CNTLN: variants seen among roughly 807,000 people sequenced by gnomAD.
The protein encoded by CNTLN is centlein.
CNTLN carries 212 observed loss-of-function variants against 180.0 expected under a neutral mutation model. That is an observed-to-expected ratio of 1.18 (90% confidence interval 1.05 to 1.32). The LOEUF (loss-of-function observed/expected upper bound fraction) is 1.32, where lower values mean the gene tolerates loss of function less well. Ranked by LOEUF, CNTLN falls within the 40% of genes most tolerant of loss-of-function variation. The pLI is 0.00. For synonymous variants in CNTLN, 722 were observed against 563.1 expected (o/e 1.28, Z -3.99); for missense variants, 2,095 against 1,610.9 (o/e 1.30, Z -5.14).
At chr9:17,148,671 A>G (rs1241662843) in intron 2 of CNTLN, among the ~76,000 whole-genome samples, 2 of 152,178 alleles carry the variant, frequency 1.3e-5, no homozygotes, top group Non-Finnish European at 2.9e-5. Context: ...AAACCGTGAA[A>G]AGGAAACTTG....
At chr9:17,339,847 G>A (rs1287769552) in intron 10 of CNTLN, among the ~76,000 whole-genome samples, 1 of 152,036 alleles carries the variant, frequency 6.6e-6, no homozygotes, top group African/African-American at 2.4e-5. Flanking sequence ...GATCTCATGT[G>A]CTATATATTG....
chr9:17,152,376 T>C (rs888620628), intron 2 of CNTLN, among the ~76,000 whole-genome samples: 8 of 152,194 alleles, frequency 5.3e-5, no homozygotes, highest in Non-Finnish European at 1.2e-4. Context: ...TTCTCATTGG[T>C]GTCAAAGAAT....
At chr9:17,207,419 G>C (rs2131932980) in intron 2 of CNTLN, among the ~76,000 whole-genome samples, 1 of 152,246 alleles carries the variant, frequency 6.6e-6, no homozygotes, top group South Asian at 2.1e-4. Context: ...AACTCCTGCA[G>C]CTAGCTCGGT....
intron 5 of CNTLN, among the ~76,000 whole-genome samples, chr9:17,242,352 C>T (rs556501038): frequency 2.0e-5 from 3 of 152,048 alleles, no homozygotes; most frequent in Admixed American, 6.5e-5. Context: ...CTGTGTCACC[C>T]AGGCGGGAGT....
intron 5 of CNTLN, among the ~76,000 whole-genome samples, chr9:17,260,308 A>T (rs11560480): frequency 0.23 from 34,615 of 149,740 alleles, 5,126 homozygotes; most frequent in African/African-American, 0.36. Flanking sequence ...CTTAATCCTG[A>T]GTTCTAGTTT....
intron 2 of CNTLN, among the ~76,000 whole-genome samples, chr9:17,214,190 T>TACCG (rs1823555937): frequency 6.6e-6 from 1 of 152,234 alleles, no homozygotes. Flanking sequence ...CAGTGACTGG[T>TACCG]ACCGGTTGTT....
At chr9:17,510,329 C>A in the CNTLN span, among the ~76,000 whole-genome samples, 2 of 152,158 alleles carry the variant, frequency 1.3e-5, no homozygotes, top group African/African-American at 4.8e-5. Flanking sequence ...ATGAGAAATA[C>A]ATTTATCTGA....
intron 5 of CNTLN, among the ~76,000 whole-genome samples, chr9:17,263,138 C>T (rs1375293055): frequency 6.7e-6 from 1 of 149,696 alleles, no homozygotes; most frequent in Non-Finnish European, 1.5e-5. Flanking sequence ...GTGTGCTGCA[C>T]CCATTAAGTC....
chr9:17,461,194 T>C (rs1831426519), intron 19 of CNTLN, among the ~76,000 whole-genome samples: 1 of 151,618 alleles, frequency 6.6e-6, no homozygotes, highest in South Asian at 2.1e-4. Flanking sequence ...GATATCACTA[T>C]ATTAACATAT....
chr9:17,320,946 G>A (rs1819867413), intron 8 of CNTLN, among the ~76,000 whole-genome samples: 1 of 152,130 alleles, frequency 6.6e-6, no homozygotes, highest in African/African-American at 2.4e-5. Context: ...ATTATACCAA[G>A]TTATCTTCTC....
chr9:17,492,200 G>A (rs1833202755), intron 25 of CNTLN, among the ~76,000 whole-genome samples: 1 of 151,868 alleles, frequency 6.6e-6, no homozygotes, highest in African/African-American at 2.4e-5. Flanking sequence ...CAGTTAAAAG[G>A]ATCCTTTTAA....
intron 2 of CNTLN, among the ~76,000 whole-genome samples, chr9:17,181,188 T>A (rs914330769): frequency 2.6e-5 from 4 of 152,214 alleles, no homozygotes; most frequent in African/African-American, 7.2e-5. Context: ...AAATATTAGA[T>A]CTTTGACAGG....
chr9:17,164,312 A>C (rs1354912075), intron 2 of CNTLN, among the ~76,000 whole-genome samples: 62 of 91,324 alleles, frequency 6.8e-4, no homozygotes, highest in African/African-American at 2.9e-3. Flanking sequence ...ACTCTGTCTC[A>C]AAAAAAAAAA....
chr9:17,489,573 A>AT (rs201331524), intron 25 of CNTLN, among the ~76,000 whole-genome samples: 2,019 of 151,154 alleles, frequency 0.013, 46 homozygotes, highest in African/African-American at 0.046. Context: ...TAAAAAAAAT[A>AT]TTTTTTTTTC....
intron 5 of CNTLN, among the ~76,000 whole-genome samples, chr9:17,261,191 T>G (rs965099907): frequency 6.6e-6 from 1 of 151,516 alleles, no homozygotes; most frequent in Non-Finnish European, 1.5e-5. Context: ...TTTGGAATAG[T>G]TTTTGTAATT....
At chr9:17,383,728 C>T (rs1481232797) in intron 13 of CNTLN, among the ~76,000 whole-genome samples, 1 of 151,710 alleles carries the variant, frequency 6.6e-6, no homozygotes, top group Non-Finnish European at 1.5e-5. Flanking sequence ...AGCTCTGCCT[C>T]CTGGGTTCAC....
chr9:17,438,987 T>A (rs920596724), intron 18 of CNTLN, among the ~76,000 whole-genome samples: 3 of 152,138 alleles, frequency 2.0e-5, no homozygotes, highest in Middle Eastern at 3.2e-3. Context: ...ATGATATACT[T>A]TATCATTCTC....
rs557023791 is a variant in CNTLN at position 17,173,486 on chromosome 9, G to A, written c.449+30110G>A. ...TTTCTGCCATAGTCTTAAAATAGGG[G>A]TATTGTAGAAGCGTGGACAGATGCT... On this transcript the variant is annotated intron_variant, in intron 2 of 25. Coordinates refer to ENST00000380647, the MANE Select transcript of CNTLN (RefSeq NM_017738.4). Among the ~76,000 whole-genome samples the A allele has an allele frequency of 3.9e-5, 6 of 152,262 alleles. No individual in the cohort carries two copies. The South Asian group carries it at 1.2e-3, about 32-fold the overall frequency.
intron 13 of CNTLN, among the ~76,000 whole-genome samples, chr9:17,374,090 G>A (rs1824554006): frequency 6.6e-6 from 1 of 152,102 alleles, no homozygotes; most frequent in Non-Finnish European, 1.5e-5. Context: ...ACAAGCACAG[G>A]CAACCAAAGC....
Sources: allele counts gnomAD v4.1 joint callset (sites outside exome capture counted in the v4.1 genomes callset), GRCh38; gene constraint gnomAD v4.1.1; transcripts MANE v1.5; gene names NCBI Gene and HGNC (gene_info 2026-07-23, HGNC 2026-07-21).